The following THADA variants were observed in gnomAD, a reference collection of about 807,000 sequenced individuals.
THADA encodes the protein THADA armadillo repeat containing, also known as tRNA (32-2'-O)-methyltransferase regulator THADA.
Under a neutral mutation model 219.8 loss-of-function variants are expected in THADA, and 213 were observed. That is an observed-to-expected ratio of 0.97 (90% CI 0.87 to 1.09). The LOEUF (loss-of-function observed/expected upper bound fraction) is 1.09. Ranked by LOEUF, THADA falls within the 50% of genes least tolerant of loss-of-function variation. The probability of loss-of-function intolerance (pLI) is 0.00; values close to 1 mark genes in which losing one functional copy is unlikely to be tolerated. For missense variants in THADA, 2,956 were observed against 2,311.3 expected, an observed-to-expected ratio of 1.28 and a Z score of -5.72; for synonymous variants, 1,018 against 828.9, an observed-to-expected ratio of 1.23 and a Z score of -3.92.
At chr2:43,473,633 C>T (rs1685178158) in intron 26 of THADA, among the ~76,000 whole-genome samples, 1 of 151,162 alleles carries the variant, frequency 6.6e-6, no homozygotes, top group East Asian at 1.9e-4. Context: ...TTTTTTGAGA[C>T]AGAGTCTCAC....
chr2:43,556,308 G>A lies in THADA; in HGVS notation c.2674+37C>T, dbSNP rs772703330. The A allele has an allele frequency of 2.6e-5, 41 of 1,606,468 alleles. No individual in the cohort carries two copies. The African/African-American group carries it at 5.4e-4, about 21-fold the overall frequency. ...CTAACCAAATGAATACTGAGACTAA[G>A]CTATTCGTTTTGATAAGAGCAAACA... On this transcript the variant is annotated intron_variant, in intron 17 of 37. Transcript: ENST00000405975.
intron 4 of THADA, among the ~76,000 whole-genome samples, chr2:43,587,632 C>T (rs1701159802): frequency 1.3e-5 from 2 of 152,164 alleles, no homozygotes; most frequent in African/African-American, 4.8e-5. Context: ...TATGAAGTGA[C>T]CATAATATTT....
intron 28 of THADA, among the ~76,000 whole-genome samples, chr2:43,406,462 G>A (rs868300835): frequency 2.6e-5 from 4 of 152,076 alleles, no homozygotes; most frequent in African/African-American, 9.7e-5. Flanking sequence ...ATCATTTTTT[G>A]AGACAACAAC....
At chr2:43,308,721 A>C (rs1428185995) in intron 31 of THADA, among the ~76,000 whole-genome samples, 1 of 151,022 alleles carries the variant, frequency 6.6e-6, no homozygotes, top group African/African-American at 2.4e-5. Flanking sequence ...AGAAAGAAAC[A>C]AACAAAAAAT....
intron 16 of THADA, 80 bp downstream of exon 16, chr2:43,560,154 G>C (rs1212577924): frequency 7.9e-7 from 1 of 1,262,928 alleles, no homozygotes; most frequent in East Asian, 2.5e-5. Context: ...CAAAGCACAT[G>C]AATAATCCTC....
rs34171011 is a variant in THADA, at chr2:43,580,024, C to CTTTTT, written c.722-1422_722-1418dup. ...CAACTTTTCGGAAAAAAAGCTACTT[C>CTTTTT]TTTTTTTTTTTTTTTTTTTGAGACG... On this transcript the variant is annotated intron_variant, in intron 8 of 37. Coordinates refer to ENST00000405975, the MANE Select transcript of THADA (RefSeq NM_022065.5). Among the ~76,000 whole-genome samples, 118 of 122,804 alleles carry CTTTTT rather than the reference C, an allele frequency of 9.6e-4. 5 individuals carry two copies. Among genetic ancestry groups the CTTTTT allele is most frequent in the African/African-American group, 2.4e-3 (74 of 31,456 alleles). 80.6% of individuals were successfully genotyped at this position (122,804 alleles called of 152,430 possible).
chr2:43,254,427 T>A (rs543223704), intron 36 of THADA, among the ~76,000 whole-genome samples: 1 of 152,028 alleles, frequency 6.6e-6, no homozygotes, highest in Admixed American at 6.6e-5. Context: ...CCAGTATGCC[T>A]CCCTTATGCT....
At chr2:43,275,749 TTCTTA>T (rs1672661881) in intron 36 of THADA, among the ~76,000 whole-genome samples, 1 of 152,204 alleles carries the variant, frequency 6.6e-6, no homozygotes, top group Non-Finnish European at 1.5e-5. Context: ...TAAGATACCT[TTCTTA>T]TCTTCTCTTC....
At chr2:43,389,593 CATTT>C (rs1281151765) in intron 29 of THADA, among the ~76,000 whole-genome samples, 1 of 152,220 alleles carries the variant, frequency 6.6e-6, no homozygotes, top group Admixed American at 6.5e-5. Flanking sequence ...CTTGGCCCGG[CATTT>C]GTGGTCTCTC....
chr2:43,246,613 T>C (rs555932150), intron 36 of THADA, among the ~76,000 whole-genome samples: 2 of 152,340 alleles, frequency 1.3e-5, no homozygotes, highest in South Asian at 4.1e-4. Context: ...ATACAGTTTA[T>C]GGTAATGCAA....
rs752879015 is a variant in THADA at position 43,231,096 on chromosome 2, C to T, written c.5714G>A (p.Arg1905His). 60 of 1,613,816 alleles carry T rather than the reference C, an allele frequency of 3.7e-5. 1 individual carries two copies. Among genetic ancestry groups the T allele is most frequent in the Middle Eastern group, 1.6e-4 (1 of 6,084 alleles). ...FVKTVEFTRL[R>H]IQEERTLACL... is the part of the protein sequence containing the mutation. Reference sequence around the variant, plus strand: ...AGCCAAAGTCCTTTCCTCTTGAATGCGTAGTCTTGTGAACTCCACTGTCTT... The same window carrying T: ...AGCCAAAGTCCTTTCCTCTTGAATGTGTAGTCTTGTGAACTCCACTGTCTT... The change falls in exon 38 of 38, where the codon CGC becomes CAC. Residue 1905 changes from arginine (R) to histidine (H), a missense_variant. Transcript: ENST00000405975.
chr2:43,579,162 T>C (rs929956590), intron 8 of THADA, among the ~76,000 whole-genome samples: 32 of 152,168 alleles, frequency 2.1e-4, no homozygotes, highest in African/African-American at 7.7e-4. Context: ...AGCATATAGA[T>C]ACTCAATAAA....
intron 21 of THADA, among the ~76,000 whole-genome samples, chr2:43,533,544 G>A (rs1230607449): frequency 2.0e-5 from 3 of 152,156 alleles, no homozygotes; most frequent in Non-Finnish European, 4.4e-5. Flanking sequence ...ATACACCATG[G>A]AATACCATAC....
At chr2:43,546,365 T>G (rs1236998796) in intron 20 of THADA, among the ~76,000 whole-genome samples, 1 of 152,026 alleles carries the variant, frequency 6.6e-6, no homozygotes, top group Non-Finnish European at 1.5e-5. Flanking sequence ...GGGTGGAGAG[T>G]TCTGTAGATG....
chr2:43,366,832 A>G (rs1670209066), intron 29 of THADA, among the ~76,000 whole-genome samples: 1 of 152,220 alleles, frequency 6.6e-6, no homozygotes, highest in South Asian at 2.1e-4. Flanking sequence ...TTGTACAGCC[A>G]TGTTCAATGT....
At chr2:43,391,866 C>T (rs538948482) in intron 29 of THADA, 2 of 152,312 alleles carry the variant, frequency 1.3e-5, no homozygotes, top group Admixed American at 1.3e-4. Flanking sequence ...TTTCTAGCAA[C>T]TTAAGATTTT....
intron 22 of THADA, among the ~76,000 whole-genome samples, chr2:43,510,731 G>C (rs1040076713): frequency 1.3e-5 from 2 of 151,380 alleles, no homozygotes; most frequent in Non-Finnish European, 2.9e-5. Flanking sequence ...AGCATTTTGG[G>C]AGGCTGAGGC....
At chr2:43,298,690 G>A (rs1675886445) in intron 31 of THADA, among the ~76,000 whole-genome samples, 1 of 152,140 alleles carries the variant, frequency 6.6e-6, no homozygotes, top group Admixed American at 6.5e-5. Context: ...AGTATAGTCT[G>A]CTGGACTTGA....
At chr2:43,545,836 A>C (rs894939781) in intron 20 of THADA, among the ~76,000 whole-genome samples, 2 of 152,024 alleles carry the variant, frequency 1.3e-5, no homozygotes, top group Non-Finnish European at 2.9e-5. Context: ...TCCTGGATTC[A>C]TTAATTTTTT....
Sources: allele counts gnomAD v4.1 joint callset (sites outside exome capture counted in the v4.1 genomes callset), GRCh38; gene constraint gnomAD v4.1.1; transcripts MANE v1.5; gene names NCBI Gene and HGNC (gene_info 2026-07-23, HGNC 2026-07-21).